The following MSRB2 variants were observed in gnomAD, a reference collection of about 807,000 sequenced individuals.
MSRB2 encodes methionine sulfoxide reductase B2, also known as methionine-R-sulfoxide reductase B2, mitochondrial.
Under a neutral mutation model 19.0 loss-of-function variants are expected in MSRB2, and 17 were observed. That is an observed-to-expected ratio of 0.89 (90% CI 0.61 to 1.34). The LOEUF (loss-of-function observed/expected upper bound fraction) is 1.34. Among genes scored for constraint, MSRB2 ranks in the 40% most tolerant of loss-of-function variants. MSRB2 has a pLI of 0.00. For synonymous variants in MSRB2, 107 were observed against 99.7 expected, an observed-to-expected ratio of 1.07 and a Z score of -0.44; for missense variants, 208 against 237.6, an observed-to-expected ratio of 0.88 and a Z score of 0.82.
chr10:23,103,744 C>T (rs16923022), intron 1 of MSRB2, among the ~76,000 whole-genome samples: 12,134 of 152,182 alleles, frequency 0.08, 1,358 homozygotes, highest in African/African-American at 0.25. Context: ...GCTCACAGTT[C>T]TTTTCTGCCC....
At chr10:23,106,320 A>T (rs1306691217) in intron 2 of MSRB2, among the ~76,000 whole-genome samples, 2 of 152,246 alleles carry the variant, frequency 1.3e-5, no homozygotes, top group African/African-American at 2.4e-5. Flanking sequence ...GTGACTCTAA[A>T]TTAAAATTCC....
rs989478817 is a variant in MSRB2, at chr10:23,121,815, T to C, written c.*953T>C. 1.3e-5 allele frequency: 2 copies of C among 152,182 alleles called. No homozygotes were observed. The highest frequency in any genetic ancestry group is 2.9e-5 in the Non-Finnish European group (2 of 68,036). The allele number at this position is 152,182 out of a possible 1,614,324, so 9.4% of individuals were successfully genotyped here. A position where few individuals can be genotyped will look rare whatever the true frequency, so the allele number is the denominator to read the frequency against. On this transcript the variant is annotated 3_prime_UTR_variant, in exon 5 of 5. Transcript: ENST00000376510. Reference sequence around the variant, plus strand: ...AGGAGCTGTGCTCTGGGAGCATATATGGTGATCAATCAGATGCATGACTTT... The same window carrying C: ...AGGAGCTGTGCTCTGGGAGCATATACGGTGATCAATCAGATGCATGACTTT...
intron 2 of MSRB2, among the ~76,000 whole-genome samples, chr10:23,106,899 C>T (rs1383527166): frequency 6.6e-6 from 1 of 152,188 alleles, no homozygotes; most frequent in Non-Finnish European, 1.5e-5. Flanking sequence ...TCATCTGTTT[C>T]CAGCAGGTGC....
intron 3 of MSRB2, among the ~76,000 whole-genome samples, chr10:23,117,544 T>C (rs1328642054): frequency 6.6e-6 from 1 of 152,222 alleles, no homozygotes; most frequent in Non-Finnish European, 1.5e-5. Context: ...TGTTAACATA[T>C]AATAAATTTA....
In MSRB2 at chr10:23,095,734, G is replaced by A. The variant is rs1588965459; in HGVS notation, c.118+8G>A. 2.4e-6 allele frequency: 3 copies of A among 1,247,778 alleles called. No individual in the cohort carries two copies. The highest frequency in any genetic ancestry group is 3.2e-5 in the East Asian group (1 of 31,254). The allele number at this position is 1,247,778 out of a possible 1,614,324, so 77.3% of individuals were successfully genotyped here. ...CGGGACTGGGGGAGGCAGGTAGGAC[G>A]CGGGTCCCGCAGGCCCCGCCGCCGC... On this transcript the variant is annotated splice_region_variant and intron_variant, in intron 1 of 4. Transcript: ENST00000376510.
At position 23,104,205 on chromosome 10, in the gene MSRB2, G is replaced by C. The variant is rs576767774; in HGVS notation, c.180G>C (p.Pro60=). The C allele has an allele frequency of 6.2e-7, 1 of 1,613,850 alleles. No individual in the cohort carries two copies. The highest frequency in any genetic ancestry group is 2.2e-5 in the East Asian group (1 of 44,854). ...AKSEWQKKLT[P]EQFYVTREKG... ...GTGAGTGGCAAAAGAAACTAACCCC[G>C]GAGCAGTTCTACGTCACAAGAGAAA... The change falls in exon 2 of 5, where the codon CCG becomes CCC. Residue 60 remains proline, a synonymous_variant. Transcript: ENST00000376510.
intron 4 of MSRB2, among the ~76,000 whole-genome samples, chr10:23,120,403 A>G (rs1840168543): frequency 6.6e-6 from 1 of 152,218 alleles, no homozygotes; most frequent in Non-Finnish European, 1.5e-5. Context: ...GGGTACTACA[A>G]TATTATTCAG....
At chr10:23,100,158 G>A (rs1839912074) in intron 1 of MSRB2, among the ~76,000 whole-genome samples, 1 of 152,218 alleles carries the variant, frequency 6.6e-6, no homozygotes, top group South Asian at 2.1e-4. Context: ...AAGCTAAGAG[G>A]AGGGTGTTTT....
chr10:23,096,350 C>CTGTGTG (rs780651477), intron 1 of MSRB2, among the ~76,000 whole-genome samples: 57 of 61,774 alleles, frequency 9.2e-4, no homozygotes, highest in East Asian at 2.0e-3. Context: ...CTCTCTCTCT[C>CTGTGTG]TCTGTGTGTG....
chr10:23,097,882 T>G (rs1839883982), intron 1 of MSRB2, among the ~76,000 whole-genome samples: 1 of 151,128 alleles, frequency 6.6e-6, no homozygotes, highest in Admixed American at 6.6e-5. Flanking sequence ...GCTTCGGGAG[T>G]GTTGAGAGAG....
chr10:23,109,014 T>G (rs1840015969), intron 2 of MSRB2, among the ~76,000 whole-genome samples: 1 of 152,202 alleles, frequency 6.6e-6, no homozygotes, highest in African/African-American at 2.4e-5. Flanking sequence ...ATTTGGATGT[T>G]TAAACTGTGA....
Position 23,095,686 on chromosome 10 carries a change from C to T in MSRB2, c.78C>T (p.Gly26=). 1.5e-6 allele frequency: 2 copies of T among 1,314,468 alleles called. No individual in the cohort carries two copies. The highest frequency in any genetic ancestry group is 2.2e-5 in the South Asian group (1 of 46,332). 81.4% of individuals were successfully genotyped at this position (1,314,468 alleles called of 1,614,324 possible). ...GGCGGGCGGTGCGGGGCCAAGCGGG[C>T]GGCGGCGGGCCCGGCACCGGGCCGG... The part of the protein sequence containing the change: ...APRRAVRGQA[G]GGGPGTGPGL... Residue 26 remains glycine, a synonymous_variant, in exon 1 of 5, where the codon GGC becomes GGT. Coordinates refer to ENST00000376510, the MANE Select transcript of MSRB2 (RefSeq NM_012228.4).
intron 2 of MSRB2, among the ~76,000 whole-genome samples, chr10:23,107,851 G>A (rs1429439082): frequency 1.3e-5 from 2 of 152,186 alleles, no homozygotes; most frequent in Admixed American, 6.5e-5. Context: ...TAAGTTACAG[G>A]ACTTGTATAA....
At chr10:23,104,400 G>A (rs1472144467) in intron 2 of MSRB2, among the ~76,000 whole-genome samples, 156 bp downstream of exon 2, 2 of 152,138 alleles carry the variant, frequency 1.3e-5, no homozygotes, top group South Asian at 2.1e-4. Flanking sequence ...GATATCCATC[G>A]AGTTGTAGAA....
At chr10:23,110,132 T>C in intron 2 of MSRB2, 110 bp from the exon 3 acceptor site, 2 of 780,850 alleles carry the variant, frequency 2.6e-6, no homozygotes, top group South Asian at 3.4e-5. Context: ...TTCGTCAAAT[T>C]AGTACAGAAA....
intron 3 of MSRB2, among the ~76,000 whole-genome samples, chr10:23,115,573 C>T (rs781298847): frequency 2.0e-5 from 3 of 152,124 alleles, no homozygotes; most frequent in African/African-American, 4.8e-5. Flanking sequence ...TCAAGGAAAA[C>T]CAAAGCAAAT....
intron 1 of MSRB2, among the ~76,000 whole-genome samples, chr10:23,096,109 C>A (rs1839863582): frequency 6.6e-6 from 1 of 152,128 alleles, no homozygotes; most frequent in South Asian, 2.1e-4. Flanking sequence ...CCTGCGAAGG[C>A]CCCTAGTATT....
intron 3 of MSRB2, chr10:23,119,035 T>G: frequency 1.8e-6 from 1 of 570,470 alleles, no homozygotes. Context: ...CAAAACACCA[T>G]GTGTTTTTAG....
intron 2 of MSRB2, among the ~76,000 whole-genome samples, chr10:23,107,444 C>T (rs1165930403): frequency 1.3e-5 from 2 of 152,232 alleles, no homozygotes; most frequent in African/African-American, 4.8e-5. Context: ...ATTCAATTAA[C>T]TCTTACTCTT....
Sources: gnomAD v4.1 joint callset for allele counts (sites outside exome capture counted in the v4.1 genomes callset) on GRCh38, gnomAD v4.1.1 for gene constraint, MANE v1.5 for transcripts, NCBI Gene and HGNC (gene_info 2026-07-23, HGNC 2026-07-21) for gene names.